The following VEGFC variants were observed in gnomAD, a reference collection of about 807,000 sequenced individuals.
The protein encoded by VEGFC is FLT4 ligand DHM.
Under a neutral mutation model 46.1 loss-of-function variants are expected in VEGFC, and 12 were observed. The ratio of observed to expected loss-of-function variants is 0.26; its 90% CI spans 0.17 to 0.42. The LOEUF (loss-of-function observed/expected upper bound fraction) is 0.42. Ranked by LOEUF, VEGFC falls within the 10% of genes least tolerant of loss-of-function variation. The pLI, the probability that VEGFC is intolerant of heterozygous loss-of-function variation, is 1.00. For missense variants in VEGFC, 488 were observed against 529.4 expected, an observed-to-expected ratio of 0.92 and a Z score of 0.77; for synonymous variants, 232 against 195.5, an observed-to-expected ratio of 1.19 and a Z score of -1.56.
At chr4:176,783,412 A>AT (rs1735947592) in intron 1 of VEGFC, among the ~76,000 whole-genome samples, 2 of 152,186 alleles carry the variant, frequency 1.3e-5, no homozygotes, top group African/African-American at 4.8e-5. Context: ...ATGCATATTT[A>AT]TTTTTTGTGG....
intron 3 of VEGFC, among the ~76,000 whole-genome samples, chr4:176,725,761 T>G (rs1734864343): frequency 6.6e-6 from 1 of 152,088 alleles, no homozygotes; most frequent in South Asian, 2.1e-4. Context: ...TTCTCTAACT[T>G]TAAAAGGAAA....
In VEGFC at chr4:176,787,923, T is replaced by C. The variant is rs190169937; in HGVS notation, c.147+4242A>G. ...TAACTTAATCCACAATTTATACAAA[T>C]CTGTACATACAAATATGTGTTTGTA... On this transcript the variant is annotated intron_variant, in intron 1 of 6. Transcript: ENST00000618562. 3.0e-3 allele frequency among the ~76,000 whole-genome samples: 464 copies of C among 152,306 alleles called. 1 individual carries two copies. The highest frequency in any genetic ancestry group is 0.011 in the African/African-American group (446 of 41,562).
At chr4:176,759,259 G>A (rs1735486257) in intron 1 of VEGFC, among the ~76,000 whole-genome samples, 1 of 151,860 alleles carries the variant, frequency 6.6e-6, no homozygotes. Flanking sequence ...TGGGACAGTG[G>A]GGGGAAAAAA....
At chr4:176,719,254 G>T (rs1226053805) in intron 3 of VEGFC, among the ~76,000 whole-genome samples, 1 of 152,090 alleles carries the variant, frequency 6.6e-6, no homozygotes, top group African/African-American at 2.4e-5. Context: ...CCAATTGGTG[G>T]CTTTGCTACA....
chr4:176,747,132 A>T (rs1460188925), intron 1 of VEGFC, among the ~76,000 whole-genome samples: 2 of 152,118 alleles, frequency 1.3e-5, no homozygotes, highest in Admixed American at 6.6e-5. Context: ...ATCCTGTTAC[A>T]TCATGCATAA....
At chr4:176,687,558 T>C in intron 5 of VEGFC, 38 bp from the exon 6 acceptor site, 1 of 1,492,108 alleles carries the variant, frequency 6.7e-7, no homozygotes, top group Non-Finnish European at 8.9e-7. Flanking sequence ...TATACCTTAC[T>C]TGGTTCTGGG....
chr4:176,776,367 G>A (rs1735813192), intron 1 of VEGFC, among the ~76,000 whole-genome samples: 1 of 152,202 alleles, frequency 6.6e-6, no homozygotes. Context: ...TGCAAAGGAC[G>A]CTGGGAAGTG....
chr4:176,700,695 A>G (rs1734414663), intron 4 of VEGFC, among the ~76,000 whole-genome samples: 1 of 152,160 alleles, frequency 6.6e-6, no homozygotes, highest in Non-Finnish European at 1.5e-5. Flanking sequence ...AGCTTGAGAG[A>G]AGTATTGGCA....
intron 1 of VEGFC, among the ~76,000 whole-genome samples, chr4:176,791,697 C>T (rs939119103): frequency 1.3e-5 from 2 of 152,170 alleles, no homozygotes; most frequent in Non-Finnish European, 2.9e-5. Flanking sequence ...TAAAGTCGCT[C>T]ACAGCGCCTG....
At chr4:176,787,541 C>A (rs543234524) in intron 1 of VEGFC, among the ~76,000 whole-genome samples, 59 of 151,538 alleles carry the variant, frequency 3.9e-4, no homozygotes, top group Admixed American at 2.0e-4. Context: ...GTGGATAACT[C>A]CTAACACCTG....
chr4:176,755,744 T>C (rs1203180208), intron 1 of VEGFC, among the ~76,000 whole-genome samples: 1 of 152,064 alleles, frequency 6.6e-6, no homozygotes, highest in African/African-American at 2.4e-5. Flanking sequence ...TTCATATCAC[T>C]ATGAATATTC....
rs1009550980 is a variant in VEGFC, at chr4:176,697,087, G to A, written c.705-9160C>T. On this transcript the variant is annotated intron_variant, in intron 4 of 6. Transcript: ENST00000618562. ...ACATAGGCATGGGCAAGGACTTCAC[G>A]TCTAAAACACCAAAAGCAATGGCAA... Among the ~76,000 whole-genome samples, 18 of 152,058 alleles carry A rather than the reference G, an allele frequency of 1.2e-4. No homozygotes were observed. The South Asian group carries it at 1.2e-3, about 11-fold the overall frequency.
Position 176,711,552 on chromosome 4 carries a change from A to T in VEGFC, c.651T>A (p.Val217=). 6.2e-7 allele frequency: 1 copy of T among 1,613,732 alleles called. No individual in the cohort carries two copies. The highest frequency in any genetic ancestry group is 8.5e-7 in the Non-Finnish European group (1 of 1,179,746). ...TSCRCMSKLD[V]YRQVHSIIRR... ...TAATAATGGAATGAACTTGTCTGTA[A>T]ACATCCAGTTTAGACATGCATCGGC... The change falls in exon 4 of 7, where the codon GTT becomes GTA. Residue 217 remains valine (V), a synonymous_variant. Coordinates refer to ENST00000618562, the MANE Select transcript of VEGFC (RefSeq NM_005429.5).
At chr4:176,788,926 T>C (rs1168170266) in intron 1 of VEGFC, among the ~76,000 whole-genome samples, 2 of 152,132 alleles carry the variant, frequency 1.3e-5, no homozygotes, top group Non-Finnish European at 2.9e-5. Flanking sequence ...ATTATGGAGG[T>C]GTAGTGAAAA....
intron 1 of VEGFC, among the ~76,000 whole-genome samples, chr4:176,783,189 C>T (rs1735944378): frequency 6.6e-6 from 1 of 152,216 alleles, no homozygotes; most frequent in Non-Finnish European, 1.5e-5. Context: ...ATCCCAGTGT[C>T]CCAGTGTCCG....
At chr4:176,697,007 G>A (rs1373560649) in intron 4 of VEGFC, among the ~76,000 whole-genome samples, 17 of 150,774 alleles carry the variant, frequency 1.1e-4, no homozygotes, top group Non-Finnish European at 2.1e-4. Flanking sequence ...AGACTTAAAC[G>A]TTAGACCTAA....
chr4:176,698,145 A>AT (rs1484951686), intron 4 of VEGFC, among the ~76,000 whole-genome samples: 7 of 150,634 alleles, frequency 4.6e-5, no homozygotes, highest in African/African-American at 7.3e-5. Flanking sequence ...AATAAAAATA[A>AT]AAATAATAAT....
intron 1 of VEGFC, among the ~76,000 whole-genome samples, chr4:176,752,628 A>G (rs983947297): frequency 6.6e-6 from 1 of 152,132 alleles, no homozygotes; most frequent in Non-Finnish European, 1.5e-5. Flanking sequence ...AAAATTTCCC[A>G]TGTAAGATGT....
chr4:176,746,656 T>C (rs949952934), intron 1 of VEGFC, among the ~76,000 whole-genome samples: 2 of 152,128 alleles, frequency 1.3e-5, no homozygotes, highest in Non-Finnish European at 1.5e-5. Context: ...AATTAGGGTA[T>C]ATGTGATAAC....
Sources: gnomAD v4.1 joint callset for allele counts (sites outside exome capture counted in the v4.1 genomes callset) on GRCh38, gnomAD v4.1.1 for gene constraint, MANE v1.5 for transcripts, NCBI Gene and HGNC (gene_info 2026-07-23, HGNC 2026-07-21) for gene names.